RAB3GAP2: variants seen among roughly 807,000 people sequenced by gnomAD.
RAB3GAP2 encodes the protein rab3 GTPase-activating protein non-catalytic subunit.
In RAB3GAP2, 87 loss-of-function variants were observed where a neutral mutation model predicts 185.3. The observed-to-expected ratio is 0.47, with a 90% confidence interval of 0.39 to 0.56. The LOEUF (loss-of-function observed/expected upper bound fraction) is 0.56. Among genes scored for constraint, RAB3GAP2 ranks in the 20% least tolerant of loss-of-function variants. RAB3GAP2 has a pLI of 0.00. For missense variants in RAB3GAP2, 1,492 were observed against 1,638.2 expected, an observed-to-expected ratio of 0.91 and a Z score of 1.54; for synonymous variants, 554 against 576.1, an observed-to-expected ratio of 0.96 and a Z score of 0.55.
At chr1:220,160,854 C>G (rs1453350536) in intron 28 of RAB3GAP2, among the ~76,000 whole-genome samples, 1 of 152,174 alleles carries the variant, frequency 6.6e-6, no homozygotes, top group African/African-American at 2.4e-5. Context: ...ACTGTGAGCT[C>G]TTTGAGGGCC....
At chr1:220,271,583 G>A (rs2808019) in intron 1 of RAB3GAP2, among the ~76,000 whole-genome samples, 68,955 of 151,866 alleles carry the variant, frequency 0.45, 17,656 homozygotes, top group African/African-American at 0.7. Context: ...GTAGATTCTC[G>A]TTCACTTCCT....
At chr1:220,254,205 T>A in intron 1 of RAB3GAP2, 1 of 1,613,476 alleles carries the variant, frequency 6.2e-7, no homozygotes, top group Non-Finnish European at 8.5e-7. Context: ...ATAAGGAGTA[T>A]GCGGTTAATG....
At chr1:220,209,504 C>A (rs769356497) in intron 7 of RAB3GAP2, among the ~76,000 whole-genome samples, 5 of 152,098 alleles carry the variant, frequency 3.3e-5, no homozygotes, top group African/African-American at 1.2e-4. Flanking sequence ...AAATTGAACT[C>A]CTCTTTCTCT....
intron 1 of RAB3GAP2, among the ~76,000 whole-genome samples, chr1:220,270,471 CA>C (rs1660315205): frequency 6.6e-6 from 1 of 152,196 alleles, no homozygotes; most frequent in Admixed American, 6.5e-5. Flanking sequence ...ATTTAAAATG[CA>C]AAAGGTTGAA....
chr1:220,183,645 T>G (rs904230481), intron 19 of RAB3GAP2, among the ~76,000 whole-genome samples: 2 of 152,160 alleles, frequency 1.3e-5, no homozygotes, highest in African/African-American at 4.8e-5. Context: ...CTGAGGAAAC[T>G]AAATATTGAA....
rs552735868 is a variant in RAB3GAP2, at chr1:220,191,438, GATA to G, written c.1271-157_1271-155del. On this transcript the variant is annotated intron_variant, in intron 13 of 34. Coordinates refer to ENST00000358951, the MANE Select transcript of RAB3GAP2 (RefSeq NM_012414.4). ...TTATGGAATATCTTAAATAAAAAATGATAATAAATAATAACCAGTCTATCACCC... is the reference window on the plus strand; with the variant it reads ...TTATGGAATATCTTAAATAAAAAATGATAAATAATAACCAGTCTATCACCC... Among the ~76,000 whole-genome samples, 769 of 152,162 alleles carry G rather than the reference GATA, an allele frequency of 5.1e-3. 6 individuals carry two copies. The highest frequency in any genetic ancestry group is 7.9e-3 in the Non-Finnish European group (537 of 67,980).
rs143994202 is a variant in RAB3GAP2 at position 220,182,272 on chromosome 1, G to A, written c.2295C>T (p.Ser765=). 6.7e-5 allele frequency: 108 copies of A among 1,613,952 alleles called. No individual in the cohort carries two copies. The African/African-American group carries it at 1.4e-3, about 21-fold the overall frequency. ...MCHTLESAGL[S]PQLLLSLLLS... is the part of the protein sequence containing the mutation. ...AAAACCTTACCAACAACAGCTGAGG[G>A]CTAAGACCAGCCGACTCCAAAGTGT... The change falls in exon 21 of 35, where the codon AGC becomes AGT. Residue 765 remains serine (S), a synonymous_variant. Transcript: ENST00000358951.
In RAB3GAP2 at chr1:220,184,109, A is replaced by T; in HGVS notation, c.1925T>A (p.Leu642Gln). 5.6e-6 allele frequency: 9 copies of T among 1,609,328 alleles called. No individual in the cohort carries two copies. Among genetic ancestry groups the T allele is most frequent in the Non-Finnish European group, 7.7e-6 (9 of 1,175,894 alleles). The change falls in exon 19 of 35, where the codon CTG becomes CAG. Residue 642 changes from leucine to glutamine, a missense_variant. Leu to Gln is a moderately radical substitution (Grantham distance 113). Transcript: ENST00000358951. ...ACTGACAGACTCATAGAGTTGCAGC[A>T]GTTTTAGTTTATTGGCACAAAACTG... ...LLQFCANKLKLLQLYESVSQL... is the reference protein window; with the variant it reads ...LLQFCANKLKQLQLYESVSQL...
intron 21 of RAB3GAP2, among the ~76,000 whole-genome samples, chr1:220,174,103 C>A (rs1368372965): frequency 6.7e-6 from 1 of 148,796 alleles, no homozygotes; most frequent in African/African-American, 2.5e-5. Context: ...AAAAAAAGAA[C>A]TAAAATTTGA....
Position 220,171,003 on chromosome 1 carries a change from G to T in RAB3GAP2, c.2695C>A (p.Leu899Ile). 1 of 1,614,138 alleles carries T rather than the reference G, an allele frequency of 6.2e-7. No homozygotes were observed. Among genetic ancestry groups the T allele is most frequent in the Non-Finnish European group, 8.5e-7 (1 of 1,180,002 alleles). Residue 899 changes from leucine to isoleucine, a missense_variant, in exon 24 of 35, where the codon CTT becomes ATT. Physicochemically the swap from Leu to Ile is conservative, Grantham distance 5 (BLOSUM62 2). Transcript: ENST00000358951. ...LLKQLEDCLI[L>I]QTLLHSKGNT... is the part of the protein sequence containing the mutation. ...CCTTTGCTGTGAAGCAGAGTCTGAAGTATGAGACAATCCTCCAGCTGTTTC... is the reference window on the plus strand; with the variant it reads ...CCTTTGCTGTGAAGCAGAGTCTGAATTATGAGACAATCCTCCAGCTGTTTC...
chr1:220,259,044 C>T (rs754409806), intron 1 of RAB3GAP2, among the ~76,000 whole-genome samples: 3 of 152,110 alleles, frequency 2.0e-5, no homozygotes, highest in Non-Finnish European at 4.4e-5. Flanking sequence ...AGGACCTCTT[C>T]AAGGAGAACT....
intron 1 of RAB3GAP2, among the ~76,000 whole-genome samples, chr1:220,261,631 G>A (rs1660138034): frequency 6.6e-6 from 1 of 152,056 alleles, no homozygotes; most frequent in Admixed American, 6.6e-5. Context: ...TGCCTTTATG[G>A]GCTCTAACTT....
chr1:220,227,633 A>G (rs1173929682), intron 2 of RAB3GAP2, among the ~76,000 whole-genome samples: 2 of 152,174 alleles, frequency 1.3e-5, no homozygotes. Context: ...ACTCCTGAAG[A>G]GCAAAACACA....
chr1:220,174,780 T>C lies in RAB3GAP2; in HGVS notation c.2311-2038A>G, dbSNP rs1176979421. ...AGCTTTATATGTATAGATACATATATCGTACTTTTGAGGGAGGATAAGGGG... is the reference window on the plus strand; with the variant it reads ...AGCTTTATATGTATAGATACATATACCGTACTTTTGAGGGAGGATAAGGGG... On this transcript the variant is annotated intron_variant, in intron 21 of 34. Transcript: ENST00000358951. Among the ~76,000 whole-genome samples the C allele has an allele frequency of 3.9e-5, 6 of 152,210 alleles. 1 individual carries two copies.
At chr1:220,162,086 TA>T in intron 28 of RAB3GAP2, 111 bp downstream of exon 28, 1 of 858,088 alleles carries the variant, frequency 1.2e-6, no homozygotes, top group Non-Finnish European at 1.9e-6. Flanking sequence ...GAGTAAAATC[TA>T]ATTATCAAAT....
intron 1 of RAB3GAP2, among the ~76,000 whole-genome samples, chr1:220,260,380 T>C (rs1660110047): frequency 6.6e-6 from 1 of 152,086 alleles, no homozygotes; most frequent in Admixed American, 6.6e-5. Flanking sequence ...TAAGGAAAAA[T>C]GTGGTATATA....
At chr1:220,258,645 A>G (rs1473133364) in intron 1 of RAB3GAP2, among the ~76,000 whole-genome samples, 2 of 152,240 alleles carry the variant, frequency 1.3e-5, no homozygotes, top group African/African-American at 4.8e-5. Flanking sequence ...GAATGGGCAA[A>G]AGCTGGAAGC....
intron 7 of RAB3GAP2, among the ~76,000 whole-genome samples, chr1:220,210,057 A>T (rs919168959): frequency 6.6e-6 from 1 of 152,196 alleles, no homozygotes. Flanking sequence ...TTGGCACCTA[A>T]ATCCAAATAA....
chr1:220,252,765 T>C (rs1177719928), intron 1 of RAB3GAP2, among the ~76,000 whole-genome samples: 1 of 152,176 alleles, frequency 6.6e-6, no homozygotes, highest in African/African-American at 2.4e-5. Context: ...CACAGAGCTG[T>C]GTAGAGTCTC....
Sources: gnomAD v4.1 joint callset for allele counts (sites outside exome capture counted in the v4.1 genomes callset) on GRCh38, gnomAD v4.1.1 for gene constraint, MANE v1.5 for transcripts, NCBI Gene and HGNC (gene_info 2026-07-23, HGNC 2026-07-21) for gene names.